The following ZBTB20 variants were observed in gnomAD, a reference collection of about 807,000 sequenced individuals.
ZBTB20 encodes zinc finger and BTB domain containing 20.
ZBTB20 carries 9 observed loss-of-function variants against 56.9 expected under a neutral mutation model. That is an observed-to-expected ratio of 0.16 (90% CI 0.10 to 0.28). The LOEUF is 0.28. Among genes scored for constraint, ZBTB20 ranks in the 10% least tolerant of loss-of-function variants. The pLI, the probability that ZBTB20 is intolerant of heterozygous loss-of-function variation, is 1.00. For synonymous variants in ZBTB20, 417 were observed against 420.7 expected (o/e 0.99, Z 0.11); for missense variants, 655 against 1,003.0 (o/e 0.65, Z 4.69).
intron 10 of ZBTB20, among the ~76,000 whole-genome samples, chr3:114,355,842 AC>A (rs1297701149): frequency 6.6e-6 from 1 of 150,884 alleles, no homozygotes; most frequent in Non-Finnish European, 1.5e-5. Flanking sequence ...GAAAAAAAAA[AC>A]ACACACACAC....
chr3:114,355,496 C>T (rs529814386), intron 10 of ZBTB20, among the ~76,000 whole-genome samples: 168 of 152,330 alleles, frequency 1.1e-3, no homozygotes, highest in Non-Finnish European at 2.2e-3. Flanking sequence ...CCCTGCCTCC[C>T]CATTCAAGCA....
chr3:114,414,734 A>G (rs1369257039), intron 7 of ZBTB20, among the ~76,000 whole-genome samples: 2 of 147,896 alleles, frequency 1.4e-5, no homozygotes, highest in African/African-American at 2.4e-5. Flanking sequence ...TATATAAAAT[A>G]TAATTATAAA....
At chr3:114,690,460 G>A (rs956994613) in intron 6 of ZBTB20, among the ~76,000 whole-genome samples, 3 of 152,118 alleles carry the variant, frequency 2.0e-5, no homozygotes, top group African/African-American at 7.2e-5. Flanking sequence ...CAGTGAGACA[G>A]CACAAGACTA....
intron 1 of ZBTB20, among the ~76,000 whole-genome samples, chr3:115,120,725 C>A (rs560680853): frequency 2.0e-5 from 3 of 152,012 alleles, no homozygotes; most frequent in African/African-American, 7.2e-5. Flanking sequence ...AACTAGTTCA[C>A]GAGAAAGCTG....
intron 7 of ZBTB20, among the ~76,000 whole-genome samples, chr3:114,405,577 T>A (rs1286794518): frequency 6.6e-6 from 1 of 152,180 alleles, no homozygotes; most frequent in African/African-American, 2.4e-5. Flanking sequence ...TTTATGTGTA[T>A]ATTTATATAT....
intron 10 of ZBTB20, among the ~76,000 whole-genome samples, chr3:114,359,066 T>C (rs139098051): frequency 1.9e-5 from 2 of 103,156 alleles, no homozygotes; most frequent in East Asian, 5.7e-4. Flanking sequence ...TTCTTTATTT[T>C]ACCTCTACTC....
At position 114,333,556 on chromosome 3, in the gene ZBTB20, T is replaced by A. The variant is rs1171264445; in HGVS notation, c.*5449A>T. 1 of 152,264 alleles carries A rather than the reference T, an allele frequency of 6.6e-6. No individual in the cohort carries two copies. Among genetic ancestry groups the A allele is most frequent in the Admixed American group, 6.5e-5 (1 of 15,284 alleles). The allele number at this position is 152,264 out of a possible 1,614,324, so 9.4% of individuals were successfully genotyped here. On this transcript the variant is annotated 3_prime_UTR_variant, in exon 12 of 12. Transcript: ENST00000675478. ...TCATGCACTGCAGGCTCAGGAGGCA[T>A]TGGGTTGCTTTGCTTTTTCTATGGA...
intron 6 of ZBTB20, among the ~76,000 whole-genome samples, chr3:114,667,681 T>C (rs2061135086): frequency 6.6e-6 from 1 of 152,200 alleles, no homozygotes; most frequent in Admixed American, 6.6e-5. Flanking sequence ...AAATTATAAA[T>C]ATCAAGATGC....
At position 114,731,756 on chromosome 3, in the gene ZBTB20, A is replaced by AT. The variant is rs1293673493; in HGVS notation, c.-342-38182_-342-38181insA. On this transcript the variant is annotated intron_variant, in intron 5 of 11. Transcript: ENST00000675478. ...CCGGCTGTACCTAGATTAGTAACTA[A>AT]CCCGGCTGTACCTAGATTAGTAACT... 3.1e-4 allele frequency among the ~76,000 whole-genome samples: 47 copies of AT among 151,436 alleles called. 1 individual carries two copies. The highest frequency in any genetic ancestry group is 1.7e-3 in the South Asian group (8 of 4,756).
chr3:114,791,547 C>T (rs1050650992), intron 5 of ZBTB20: 3 of 152,138 alleles, frequency 2.0e-5, no homozygotes, highest in African/African-American at 7.2e-5. Context: ...CCTGCCAACC[C>T]TAACCTAGAG....
intron 7 of ZBTB20, among the ~76,000 whole-genome samples, chr3:114,470,905 C>T (rs1340453703): frequency 6.6e-6 from 1 of 152,176 alleles, no homozygotes; most frequent in African/African-American, 2.4e-5. Context: ...ATAGAATTCA[C>T]ATCCTAAGGT....
intron 4 of ZBTB20, among the ~76,000 whole-genome samples, chr3:114,818,852 A>G (rs879583989): frequency 6.6e-6 from 1 of 152,140 alleles, no homozygotes; most frequent in Middle Eastern, 3.4e-3. Flanking sequence ...ATTAAACAGG[A>G]ATAAGAAAGG....
At chr3:114,936,970 A>C (rs570867487) in intron 3 of ZBTB20, among the ~76,000 whole-genome samples, 2 of 152,230 alleles carry the variant, frequency 1.3e-5, no homozygotes, top group Non-Finnish European at 2.9e-5. Context: ...GGAGAAAGGC[A>C]AGGAAGCATT....
chr3:115,094,867 T>C lies in ZBTB20; in HGVS notation c.-702-23453A>G, dbSNP rs1351370676. On this transcript the variant is annotated intron_variant, in intron 1 of 11. Coordinates refer to ENST00000675478, the MANE Select transcript of ZBTB20 (RefSeq NM_001348800.3). The stretch of plus-strand genomic sequence containing the variant: ...CAATAACAAAAATAGTACTACTATG[T>C]ATAAGATTCGTAATTATTACCATTT... 2.6e-5 allele frequency among the ~76,000 whole-genome samples: 4 copies of C among 152,110 alleles called. No individual in the cohort carries two copies. In the East Asian group the frequency reaches 7.7e-4, roughly 29 times the overall value.
At chr3:115,034,348 C>CAA (rs368796379) in intron 2 of ZBTB20, among the ~76,000 whole-genome samples, 4 of 148,824 alleles carry the variant, frequency 2.7e-5, no homozygotes, top group Admixed American at 2.0e-4. Flanking sequence ...CAATTTCCAC[C>CAA]AAAAAAAAAC....
At chr3:115,001,856 C>A (rs2079264661) in intron 2 of ZBTB20, among the ~76,000 whole-genome samples, 2 of 151,322 alleles carry the variant, frequency 1.3e-5, no homozygotes, top group South Asian at 2.1e-4. Flanking sequence ...TAATCCCAAT[C>A]AAAATCCCAC....
chr3:114,807,800 A>G (rs1274095341), intron 4 of ZBTB20, among the ~76,000 whole-genome samples: 2 of 152,094 alleles, frequency 1.3e-5, no homozygotes, highest in East Asian at 3.9e-4. Context: ...GCATTAATTA[A>G]TTATTGGATG....
intron 4 of ZBTB20, among the ~76,000 whole-genome samples, chr3:114,806,288 G>A (rs2072097648): frequency 6.6e-6 from 1 of 151,802 alleles, no homozygotes; most frequent in East Asian, 1.9e-4. Context: ...CATTCTAGCG[G>A]GTGTGAAGTA....
chr3:114,864,394 TA>T (rs1030126844), intron 4 of ZBTB20, among the ~76,000 whole-genome samples: 9 of 151,702 alleles, frequency 5.9e-5, no homozygotes, highest in East Asian at 1.9e-4. Flanking sequence ...TAGCCAAGGT[TA>T]AAAAAAATGG....
Sources: gnomAD v4.1 joint callset for allele counts (sites outside exome capture counted in the v4.1 genomes callset) on GRCh38, gnomAD v4.1.1 for gene constraint, MANE v1.5 for transcripts, NCBI Gene and HGNC (gene_info 2026-07-23, HGNC 2026-07-21) for gene names.